DTNB: variants seen among roughly 807,000 people sequenced by gnomAD.
The protein encoded by DTNB is DTN-B.
In DTNB, 63 loss-of-function variants were observed where a neutral mutation model predicts 90.7. The observed-to-expected ratio is 0.69, with a 90% CI of 0.57 to 0.86. The LOEUF is 0.86. Among genes scored for constraint, DTNB ranks in the 40% least tolerant of loss-of-function variants. The probability of loss-of-function intolerance (pLI) is 0.00; values close to 1 mark genes in which losing one functional copy is unlikely to be tolerated. For synonymous variants in DTNB, 277 were observed against 286.7 expected (o/e 0.97, Z 0.34); for missense variants, 744 against 807.1 (o/e 0.92, Z 0.95).
rs2045556190 is a variant in DTNB at position 25,407,706 on chromosome 2, G to A, written c.1575+11809C>T. 1.3e-5 allele frequency among the ~76,000 whole-genome samples: 2 copies of A among 152,224 alleles called. 1 individual carries two copies. The highest frequency in any genetic ancestry group is 4.8e-5 in the African/African-American group (2 of 41,460). On this transcript the variant is annotated intron_variant, in intron 16 of 20. Transcript: ENST00000406818. ...AAATGCTGTGTGTTCTCACTTATAA[G>A]TGGGAGCTAAGCTATGAGTATGTAA...
chr2:25,469,469 G>C (rs188898581), intron 10 of DTNB, among the ~76,000 whole-genome samples: 21 of 152,190 alleles, frequency 1.4e-4, no homozygotes, highest in Admixed American at 1.4e-3. Flanking sequence ...ATTTGAGATG[G>C]AGTCTCACTC....
At chr2:25,404,508 CG>C (rs1308953524) in intron 16 of DTNB, among the ~76,000 whole-genome samples, 1 of 151,936 alleles carries the variant, frequency 6.6e-6, no homozygotes, top group Non-Finnish European at 1.5e-5. Flanking sequence ...GGAGAAGTGT[CG>C]GCGGTGAGCA....
At chr2:25,573,269 G>C (rs1168786411) in intron 8 of DTNB, among the ~76,000 whole-genome samples, 1 of 152,044 alleles carries the variant, frequency 6.6e-6, no homozygotes, top group East Asian at 1.9e-4. Context: ...TTTAAAAACT[G>C]TTTATATCCA....
At chr2:25,552,206 G>T (rs2056407833) in intron 8 of DTNB, among the ~76,000 whole-genome samples, 1 of 152,150 alleles carries the variant, frequency 6.6e-6, no homozygotes, top group Non-Finnish European at 1.5e-5. Flanking sequence ...GCTCAGTTTT[G>T]TAGTCAAGAC....
intron 16 of DTNB, among the ~76,000 whole-genome samples, chr2:25,404,902 G>A (rs992784741): frequency 1.3e-5 from 2 of 151,994 alleles, no homozygotes; most frequent in East Asian, 1.9e-4. Flanking sequence ...TACACAACCC[G>A]TGGAAAATCC....
At chr2:25,469,253 G>A (rs114902174) in intron 10 of DTNB, among the ~76,000 whole-genome samples, 2,021 of 152,264 alleles carry the variant, frequency 0.013, 30 homozygotes, top group African/African-American at 0.046. Flanking sequence ...GGTTGGCTAG[G>A]TGAAGATGTT....
At chr2:25,453,177 G>A (rs2059527016) in intron 11 of DTNB, among the ~76,000 whole-genome samples, 1 of 152,166 alleles carries the variant, frequency 6.6e-6, no homozygotes, top group Non-Finnish European at 1.5e-5. Flanking sequence ...GTTCTTCTGT[G>A]CAAAAGAGCT....
At chr2:25,643,487 T>C (rs552734825) in intron 2 of DTNB, among the ~76,000 whole-genome samples, 14 of 152,326 alleles carry the variant, frequency 9.2e-5, no homozygotes, top group African/African-American at 3.4e-4. Context: ...ATTGGGAAGT[T>C]GTGTTGCTAG....
chr2:25,607,520 G>C (rs1366392296), intron 4 of DTNB, among the ~76,000 whole-genome samples, 199 bp from the exon 5 acceptor site: 11 of 151,830 alleles, frequency 7.2e-5, no homozygotes, highest in Admixed American at 7.2e-4. Flanking sequence ...GAATGCTAAA[G>C]CTAGCCTGAA....
chr2:25,488,610 T>C (rs2066700211), intron 9 of DTNB, among the ~76,000 whole-genome samples: 1 of 152,138 alleles, frequency 6.6e-6, no homozygotes, highest in South Asian at 2.1e-4. Context: ...AAACAGTACC[T>C]GGTCATTTCA....
At chr2:25,413,559 T>G (rs2047144747) in intron 16 of DTNB, among the ~76,000 whole-genome samples, 1 of 152,150 alleles carries the variant, frequency 6.6e-6, no homozygotes, top group South Asian at 2.1e-4. Flanking sequence ...AATGACGGTT[T>G]CCAGCTTCAT....
intron 9 of DTNB, among the ~76,000 whole-genome samples, chr2:25,490,749 G>C (rs1006567837): frequency 6.6e-6 from 1 of 151,972 alleles, no homozygotes; most frequent in Non-Finnish European, 1.5e-5. Flanking sequence ...AACAAAGAAG[G>C]GCAAGATGAT....
chr2:25,482,985 C>G, intron 9 of DTNB, 112 bp from the exon 10 acceptor site: 1 of 1,087,832 alleles, frequency 9.2e-7, no homozygotes, highest in South Asian at 2.0e-5. Flanking sequence ...GCGGTAAGCA[C>G]AGACGGACCC....
At chr2:25,481,437 G>A (rs1453917595) in intron 10 of DTNB, among the ~76,000 whole-genome samples, 1 of 150,000 alleles carries the variant, frequency 6.7e-6, no homozygotes, top group Non-Finnish European at 1.5e-5. Context: ...ATGAAGACAA[G>A]AACATTTCAA....
At chr2:25,556,163 C>T (rs1395904719) in intron 8 of DTNB, among the ~76,000 whole-genome samples, 1 of 142,532 alleles carries the variant, frequency 7.0e-6, no homozygotes, top group Non-Finnish European at 1.5e-5. Context: ...GTGTTTTGGC[C>T]ATCTCTCTTT....
chr2:25,513,375 G>C (rs556615054), intron 9 of DTNB, among the ~76,000 whole-genome samples: 77 of 152,258 alleles, frequency 5.1e-4, no homozygotes, highest in Admixed American at 2.0e-3. Context: ...TAATGAACTA[G>C]AGAACCATTG....
intron 16 of DTNB, among the ~76,000 whole-genome samples, chr2:25,409,773 G>A (rs930032604): frequency 6.6e-6 from 1 of 151,930 alleles, no homozygotes; most frequent in Non-Finnish European, 1.5e-5. Flanking sequence ...TCTTCTTTTT[G>A]TCTACTGTGG....
chr2:25,502,012 G>T, intron 9 of DTNB, among the ~76,000 whole-genome samples: 1 of 151,856 alleles, frequency 6.6e-6, no homozygotes, highest in Non-Finnish European at 1.5e-5. Context: ...ATAGTGAGAT[G>T]CTGTTTCTAC....
chr2:25,584,991 T>A (rs1337394760), intron 6 of DTNB, among the ~76,000 whole-genome samples: 1 of 152,218 alleles, frequency 6.6e-6, no homozygotes, highest in East Asian at 1.9e-4. Context: ...AGGAGAGGCT[T>A]CCCATCTCTA....
Sources: gnomAD v4.1 joint callset for allele counts (sites outside exome capture counted in the v4.1 genomes callset) on GRCh38, gnomAD v4.1.1 for gene constraint, MANE v1.5 for transcripts, NCBI Gene and HGNC (gene_info 2026-07-23, HGNC 2026-07-21) for gene names.